Variants in NBEA observed in about 807,000 individuals in gnomAD.
NBEA encodes lysosomal-trafficking regulator 2.
A neutral mutation model predicts 343.4 loss-of-function variants in NBEA; 44 were observed. That is an observed-to-expected ratio of 0.13 (90% CI 0.10 to 0.16). The LOEUF (loss-of-function observed/expected upper bound fraction) is 0.16, where lower values mean the gene tolerates loss of function less well. Among genes scored for constraint, NBEA ranks in the 10% least tolerant of loss-of-function variants. The pLI, the probability that NBEA is intolerant of heterozygous loss-of-function variation, is 1.00. For synonymous variants in NBEA, 1,175 were observed against 1,238.7 expected (o/e 0.95, Z 1.08); for missense variants, 2,555 against 3,631.3 (o/e 0.70, Z 7.62).
intron 49 of NBEA, among the ~76,000 whole-genome samples, chr13:35,633,653 A>G (rs1184646419): frequency 6.6e-6 from 1 of 152,030 alleles, no homozygotes; most frequent in Admixed American, 6.5e-5. Context: ...GTATTTTCTC[A>G]CCTAAAAAAT....
chr13:35,459,516 A>G (rs1224450843), intron 40 of NBEA, among the ~76,000 whole-genome samples: 2 of 152,170 alleles, frequency 1.3e-5, no homozygotes, highest in Non-Finnish European at 2.9e-5. Context: ...CCTCAAGAGA[A>G]TTAGCTCTGC....
At chr13:34,980,526 G>T (rs191619849) in intron 1 of NBEA, among the ~76,000 whole-genome samples, 1 of 151,974 alleles carries the variant, frequency 6.6e-6, no homozygotes, top group Admixed American at 6.6e-5. Context: ...TTCCTCCAAT[G>T]TATGTTGAAA....
At chr13:35,591,591 C>T (rs1459868440) in intron 46 of NBEA, among the ~76,000 whole-genome samples, 1 of 152,000 alleles carries the variant, frequency 6.6e-6, no homozygotes, top group African/African-American at 2.4e-5. Flanking sequence ...TTTCATCACC[C>T]TTTTCTCTCA....
At chr13:35,633,663 T>C (rs896099654) in intron 49 of NBEA, among the ~76,000 whole-genome samples, 1 of 151,990 alleles carries the variant, frequency 6.6e-6, no homozygotes, top group Admixed American at 6.5e-5. Flanking sequence ...ACCTAAAAAA[T>C]TGATGACAGA....
chr13:35,624,438 A>G (rs1289949899), intron 48 of NBEA, among the ~76,000 whole-genome samples: 1 of 152,184 alleles, frequency 6.6e-6, no homozygotes, highest in Non-Finnish European at 1.5e-5. Flanking sequence ...AATGATCTGT[A>G]TAAATCAAGA....
chr13:35,252,420 C>T (rs1483024695), intron 34 of NBEA, among the ~76,000 whole-genome samples: 2 of 152,154 alleles, frequency 1.3e-5, no homozygotes, highest in Non-Finnish European at 2.9e-5. Context: ...CTAACCATAT[C>T]AACTCCCCTG....
chr13:35,135,597 A>G (rs1392840054), intron 17 of NBEA, among the ~76,000 whole-genome samples: 1 of 152,006 alleles, frequency 6.6e-6, no homozygotes, highest in African/African-American at 2.4e-5. Context: ...GGTTAAAAAA[A>G]CTCTTCAAAA....
At chr13:35,467,339 G>A (rs1020518435) in intron 40 of NBEA, among the ~76,000 whole-genome samples, 11 of 152,080 alleles carry the variant, frequency 7.2e-5, no homozygotes, top group African/African-American at 2.7e-4. Context: ...GGGCATGGTG[G>A]TATGCACCTG....
At chr13:35,090,273 G>A (rs951565641) in intron 10 of NBEA, among the ~76,000 whole-genome samples, 1 of 151,682 alleles carries the variant, frequency 6.6e-6, no homozygotes, top group African/African-American at 2.4e-5. Context: ...TGTAGGAGGC[G>A]GGGAGAGGGA....
At chr13:35,082,451 T>A (rs2064464816) in intron 10 of NBEA, among the ~76,000 whole-genome samples, 2 of 152,228 alleles carry the variant, frequency 1.3e-5, no homozygotes, top group South Asian at 4.1e-4. Context: ...GATGGCTGAG[T>A]CAAATGATAT....
intron 40 of NBEA, among the ~76,000 whole-genome samples, chr13:35,461,933 ATAGC>A (rs1366828784): frequency 6.6e-6 from 1 of 152,244 alleles, no homozygotes; most frequent in Non-Finnish European, 1.5e-5. Context: ...TAATTTACAA[ATAGC>A]TAGTCCAGTA....
intron 18 of NBEA, 120 bp downstream of exon 18, chr13:35,142,497 G>A (rs1282397787): frequency 1.9e-6 from 1 of 534,966 alleles, no homozygotes; most frequent in African/African-American, 1.9e-5. Context: ...CCAGAAAATG[G>A]TTTAATGGTA....
intron 41 of NBEA, among the ~76,000 whole-genome samples, chr13:35,545,788 G>GA (rs2079033242): frequency 6.6e-6 from 1 of 152,090 alleles, no homozygotes; most frequent in African/African-American, 2.4e-5. Flanking sequence ...TAATCCAGTC[G>GA]AAAGTTCCAT....
chr13:35,460,609 C>T (rs947410125), intron 40 of NBEA, among the ~76,000 whole-genome samples: 1 of 152,106 alleles, frequency 6.6e-6, no homozygotes, highest in African/African-American at 2.4e-5. Context: ...TACTGTAATC[C>T]ATATTTATTT....
At position 35,651,611 on chromosome 13, in the gene NBEA, A is replaced by C. The variant is rs139702394; in HGVS notation, c.7964-194A>C. 1.6e-3 allele frequency among the ~76,000 whole-genome samples: 245 copies of C among 152,312 alleles called. 1 individual carries two copies. The highest frequency in any genetic ancestry group is 6.8e-3 in the Middle Eastern group (2 of 294). On this transcript the variant is annotated intron_variant, in intron 52 of 58. Transcript: ENST00000379939. ...AACTCTTCCCAGCCTTGTACATCGTAAGTGGAAACCTGAAGTCCCTGTTGT... is the reference window on the plus strand; with the variant it reads ...AACTCTTCCCAGCCTTGTACATCGTCAGTGGAAACCTGAAGTCCCTGTTGT...
At position 35,182,460 on chromosome 13, in the gene NBEA, A is replaced by C. The variant is rs780988943; in HGVS notation, c.4763A>C (p.Glu1588Ala). 6 of 1,610,622 alleles carry C rather than the reference A, an allele frequency of 3.7e-6. No homozygotes were observed. In the East Asian group the frequency reaches 1.1e-4, roughly 30 times the overall value. ...CGTGACATATTAGAACCCCAGAGAG[A>C]GACTACAAGAACTGGAAGCCAACCA... Reference protein sequence around the residue: ...KYRDILEPQRETTRTGSQPGR... With the variant: ...KYRDILEPQRATTRTGSQPGR... Residue 1588 changes from glutamate to alanine, a missense_variant, in exon 29 of 59, where the codon GAG becomes GCG. By Grantham distance (107) the Glu-to-Ala change is moderately radical. Transcript: ENST00000379939.
intron 38 of NBEA, among the ~76,000 whole-genome samples, chr13:35,397,708 A>C (rs752588515): frequency 6.6e-6 from 1 of 152,196 alleles, no homozygotes; most frequent in African/African-American, 2.4e-5. Context: ...TTGGTTTCCG[A>C]GTTTACACTA....
At chr13:35,557,661 T>C (rs1420744078) in intron 44 of NBEA, among the ~76,000 whole-genome samples, 4 of 152,054 alleles carry the variant, frequency 2.6e-5, no homozygotes, top group Admixed American at 6.6e-5. Flanking sequence ...TTGTAAGCAA[T>C]GGGATAAAAA....
At chr13:35,048,772 T>A (rs1160293078) in intron 5 of NBEA, 88 bp downstream of exon 5, 13 of 710,338 alleles carry the variant, frequency 1.8e-5, no homozygotes, top group Non-Finnish European at 3.0e-5. Flanking sequence ...AGATAGAATA[T>A]ATGTATATAT....
Sources: allele counts gnomAD v4.1 joint callset (sites outside exome capture counted in the v4.1 genomes callset), GRCh38; gene constraint gnomAD v4.1.1; transcripts MANE v1.5; gene names NCBI Gene and HGNC (gene_info 2026-07-23, HGNC 2026-07-21).